The following AP3D1 variants were observed in gnomAD, a reference collection of about 807,000 sequenced individuals.
AP3D1 encodes the protein AP-3 complex subunit delta-1.
In AP3D1, 51 loss-of-function variants were observed where a neutral mutation model predicts 147.6. That is an observed-to-expected ratio of 0.35 (90% CI 0.28 to 0.44). The LOEUF (loss-of-function observed/expected upper bound fraction) is 0.44. AP3D1 is among the 20% of genes least tolerant of loss of function. The pLI is 1.00. For synonymous variants in AP3D1, 760 were observed against 663.0 expected, an observed-to-expected ratio of 1.15 and a Z score of -2.25; for missense variants, 1,421 against 1,624.2, an observed-to-expected ratio of 0.87 and a Z score of 2.15.
At position 2,116,367 on chromosome 19, in the gene AP3D1, G is replaced by C. The variant is rs2018449141; in HGVS notation, c.2002-89C>G. 23 of 1,421,982 alleles carry C rather than the reference G, an allele frequency of 1.6e-5. No individual in the cohort carries two copies. The South Asian group carries it at 2.7e-4, about 17-fold the overall frequency. 88.1% of individuals were successfully genotyped at this position (1,421,982 alleles called of 1,614,324 possible). A position where few individuals can be genotyped will look rare whatever the true frequency, so the allele number is the denominator to read the frequency against. Reference sequence around the variant, plus strand: ...ACCACCAGCCACCCAGCTGGGGAAGGCTGGATCTCTGGCTATTTTCACTAC... The same window carrying C: ...ACCACCAGCCACCCAGCTGGGGAAGCCTGGATCTCTGGCTATTTTCACTAC... On this transcript the variant is annotated intron_variant, in intron 17 of 31. Transcript: ENST00000643116.
At chr19:2,154,048 A>T (rs1161736714), upstream of AP3D1, among the ~76,000 whole-genome samples, 2 of 151,628 alleles carry the variant, frequency 1.3e-5, no homozygotes, top group Non-Finnish European at 2.9e-5. Context: ...CCTGGGTTCA[A>T]GCAATTCTCC....
At chr19:2,105,579 G>A (rs2018088081) in intron 31 of AP3D1, among the ~76,000 whole-genome samples, 4 of 152,222 alleles carry the variant, frequency 2.6e-5, no homozygotes, top group Admixed American at 2.6e-4. Flanking sequence ...CTGGCTTGCT[G>A]TTAATAAATG....
At chr19:2,122,940 G>A (rs1466699753) in intron 11 of AP3D1, among the ~76,000 whole-genome samples, 3 of 152,232 alleles carry the variant, frequency 2.0e-5, no homozygotes, top group African/African-American at 7.2e-5. Context: ...CATGCAGGCA[G>A]GCACCTGGGC....
Position 2,118,696 on chromosome 19 carries a change from C to T in AP3D1, c.1618G>A (p.Ala540Thr), listed in dbSNP as rs988444934. 5.0e-6 allele frequency: 8 copies of T among 1,613,390 alleles called. No individual in the cohort carries two copies. Among genetic ancestry groups the T allele is most frequent in the African/African-American group, 4.0e-5 (3 of 74,950 alleles). ...YASILQQKEQ[A>T]GEAEGAQAVT... ...GCCTGAGCGCCCTCTGCCTCCCCGG[C>T]CTGCTCCTTCTGCTGCAGGATGGAG... Residue 540 changes from alanine (A) to threonine (T), a missense_variant, in exon 15 of 32, where the codon GCC (alanine) becomes ACC (threonine). Around this residue, in one of 6 missense-constraint regions of AP3D1, gnomAD observed 310 missense variants for 388.1 expected, o/e 0.80. Coordinates refer to ENST00000643116, the MANE Select transcript of AP3D1 (RefSeq NM_001261826.3).
In AP3D1 at chr19:2,142,918, C is replaced by T. The variant is rs1205774767; in HGVS notation, c.97-4204G>A. ...TAGCTGGGATTACAGGCACGAGCCA[C>T]CACGCCAAGCTAATTTTATATTTTT... is the stretch of plus-strand genomic sequence containing the variant. On this transcript the variant is annotated intron_variant, in intron 1 of 31. Coordinates refer to ENST00000643116, the MANE Select transcript of AP3D1 (RefSeq NM_001261826.3). Among the ~76,000 whole-genome samples the T allele has an allele frequency of 3.9e-5, 6 of 152,096 alleles. No homozygotes were observed. In the East Asian group the frequency reaches 1.2e-3, roughly 29 times the overall value.
At chr19:2,125,326 G>GT (rs928286997) in intron 9 of AP3D1, among the ~76,000 whole-genome samples, 7 of 151,982 alleles carry the variant, frequency 4.6e-5, no homozygotes, top group African/African-American at 1.7e-4. Context: ...GTTTTGTTTC[G>GT]TTTTTTGAGA....
Position 2,121,787 on chromosome 19 carries a change from C to A in AP3D1, c.1048G>T (p.Asp350Tyr), listed in dbSNP as rs2018619596. Residue 350 changes from aspartate (D) to tyrosine (Y), a missense_variant, in exon 12 of 32, where the codon GAC becomes TAC. This residue lies in a region of AP3D1 where 310 missense variants were observed against 388.1 expected (regional missense o/e 0.80). Transcript: ENST00000643116. ...AGCCGGATGGACTCGTCCTTGTCGTCCAGGCACTGCAGGATGAGGTCCTTG... is the reference window on the plus strand; with the variant it reads ...AGCCGGATGGACTCGTCCTTGTCGTACAGGCACTGCAGGATGAGGTCCTTG... ...SHKDLILQCL[D>Y]DKDESIRLRA... 6.2e-7 allele frequency: 1 copy of A among 1,613,194 alleles called. No individual in the cohort carries two copies. Among genetic ancestry groups the A allele is most frequent in the Middle Eastern group, 1.7e-4 (1 of 6,050 alleles).
intron 12 of AP3D1, 97 bp downstream of exon 12, chr19:2,121,637 G>A: frequency 6.9e-7 from 1 of 1,454,838 alleles, no homozygotes; most frequent in Non-Finnish European, 9.1e-7. Flanking sequence ...CCGAGTGTGA[G>A]GGGACTCCAT....
chr19:2,152,363 T>C (rs113745968), upstream of AP3D1, among the ~76,000 whole-genome samples: 10,506 of 151,216 alleles, frequency 0.069, 650 homozygotes, highest in African/African-American at 0.16. Context: ...GCCAACATGG[T>C]GAAACCCTGT....
chr19:2,116,510 G>C (rs1388107027), intron 17 of AP3D1, 95 bp downstream of exon 17: 51 of 1,437,550 alleles, frequency 3.5e-5, no homozygotes, highest in Non-Finnish European at 4.4e-5. Context: ...GCCAGGGTCA[G>C]GGCCAGGACC....
At chr19:2,103,560 C>A (rs1052893061) in intron 31 of AP3D1, among the ~76,000 whole-genome samples, 6 of 152,322 alleles carry the variant, frequency 3.9e-5, no homozygotes, top group Non-Finnish European at 5.9e-5. Context: ...TGCTGCGGAT[C>A]CCGTTCCAAA....
chr19:2,164,209 C>T (rs1207095807), intron 1 of AP3D1: 10 of 1,277,428 alleles, frequency 7.8e-6, no homozygotes, highest in Non-Finnish European at 9.9e-6. Context: ...GGAGCTGAGA[C>T]TGAAGTCGCC....
rs146183436 is a variant in AP3D1, at chr19:2,102,553, C to T, written c.3553-285G>A. ...ACCATCCTGGCTAACAGGGTGAAAC[C>T]CCGTCTCTACTAAAAATATAAAAAA... On this transcript the variant is annotated intron_variant, in intron 31 of 31. Coordinates refer to ENST00000643116, the MANE Select transcript of AP3D1 (RefSeq NM_001261826.3). Among the ~76,000 whole-genome samples the T allele has an allele frequency of 4.7e-3, 713 of 151,958 alleles. 13 individuals are homozygous for T. Among genetic ancestry groups the T allele is most frequent in the East Asian group, 0.043 (221 of 5,150 alleles).
At chr19:2,140,429 G>T (rs1463257886) in intron 1 of AP3D1, among the ~76,000 whole-genome samples, 4 of 151,976 alleles carry the variant, frequency 2.6e-5, no homozygotes, top group Non-Finnish European at 5.9e-5. Flanking sequence ...GCTCGCCGCT[G>T]ATGAATGGAT....
chr19:2,153,390 G>A (rs998880966), upstream of AP3D1, among the ~76,000 whole-genome samples: 128 of 150,180 alleles, frequency 8.5e-4, 1 homozygote, highest in Non-Finnish European at 1.5e-3. Context: ...GAAGTGGGGG[G>A]GGGGACCGGG....
At chr19:2,155,791 G>A (rs967934679), upstream of AP3D1, among the ~76,000 whole-genome samples, 7 of 152,160 alleles carry the variant, frequency 4.6e-5, no homozygotes, top group East Asian at 3.9e-4. Context: ...GGTGGCTCAC[G>A]GCTGACATGC....
chr19:2,108,240 C>G (rs549043069), intron 31 of AP3D1, among the ~76,000 whole-genome samples: 1 of 152,238 alleles, frequency 6.6e-6, no homozygotes, highest in Non-Finnish European at 1.5e-5. Context: ...AAGCCCTCAA[C>G]AAAATATTCA....
At chr19:2,108,152 T>TGAAGCCACTGGATGACA (rs1295308562) in intron 31 of AP3D1, among the ~76,000 whole-genome samples, 3 of 152,184 alleles carry the variant, frequency 2.0e-5, no homozygotes, top group Non-Finnish European at 4.4e-5. Flanking sequence ...GCACGTCTGA[T>TGAAGCCACTGGATGACA]GAAGCCACTG....
chr19:2,107,881 C>T (rs954651162), intron 31 of AP3D1, among the ~76,000 whole-genome samples: 8 of 152,190 alleles, frequency 5.3e-5, no homozygotes, highest in Admixed American at 3.3e-4. Context: ...CGCACCGCCA[C>T]GCGTCAACTC....
Sources: allele counts gnomAD v4.1 joint callset (sites outside exome capture counted in the v4.1 genomes callset), GRCh38; gene constraint gnomAD v4.1.1; regional missense constraint gnomAD v4.1.1; transcripts MANE v1.5; gene names NCBI Gene and HGNC (gene_info 2026-07-23, HGNC 2026-07-21).